Variants in RAB33B observed in about 807,000 individuals in gnomAD.
RAB33B encodes ras-related protein Rab-33B.
In RAB33B, 6 loss-of-function variants were observed where a neutral mutation model predicts 15.0. The ratio of observed to expected loss-of-function variants is 0.40; its 90% confidence interval spans 0.22 to 0.79. The LOEUF (loss-of-function observed/expected upper bound fraction) is 0.79, where lower values mean the gene tolerates loss of function less well. RAB33B is among the 30% of genes least tolerant of loss of function. RAB33B has a pLI of 0.37. For synonymous variants in RAB33B, 117 were observed against 108.3 expected (o/e 1.08, Z -0.50); for missense variants, 257 against 296.4 (o/e 0.87, Z 0.98).
chr4:139,461,422 G>A (rs974630594), intron 1 of RAB33B, among the ~76,000 whole-genome samples: 7 of 152,144 alleles, frequency 4.6e-5, no homozygotes, highest in Admixed American at 3.3e-4. Flanking sequence ...GTGGCCTTGG[G>A]TGAATTACTT....
chr4:139,465,010 G>A (rs1213561540), intron 1 of RAB33B, among the ~76,000 whole-genome samples: 1 of 152,186 alleles, frequency 6.6e-6, no homozygotes, highest in Non-Finnish European at 1.5e-5. Flanking sequence ...CACCAACAGT[G>A]TAAAAGTGTT....
the RAB33B span, among the ~76,000 whole-genome samples, chr4:139,447,657 ACTTT>A: frequency 8.3e-6 from 1 of 120,266 alleles, no homozygotes; most frequent in Non-Finnish European, 1.8e-5. Flanking sequence ...TCAGTCTACT[ACTTT>A]TTTTTTTTTT....
At chr4:139,463,261 T>C (rs930475122) in intron 1 of RAB33B, among the ~76,000 whole-genome samples, 2 of 152,160 alleles carry the variant, frequency 1.3e-5, no homozygotes, top group Non-Finnish European at 2.9e-5. Flanking sequence ...GCCTCCCAGG[T>C]TCAAGCCTAT....
the RAB33B span, among the ~76,000 whole-genome samples, chr4:139,446,676 A>C: frequency 6.6e-6 from 1 of 152,200 alleles, no homozygotes; most frequent in Non-Finnish European, 1.5e-5. Context: ...GAATAGGATG[A>C]GCCCTTCTGT....
At chr4:139,461,194 G>C (rs1750165251) in intron 1 of RAB33B, among the ~76,000 whole-genome samples, 1 of 152,216 alleles carries the variant, frequency 6.6e-6, no homozygotes, top group Admixed American at 6.5e-5. Context: ...CAGGGAGTGT[G>C]GGGGTGCGAA....
the RAB33B span, among the ~76,000 whole-genome samples, chr4:139,443,453 A>C: frequency 1.3e-5 from 2 of 152,250 alleles, no homozygotes; most frequent in African/African-American, 2.4e-5. Flanking sequence ...TCCTAAGTTC[A>C]CTGGACAAAG....
the RAB33B span, among the ~76,000 whole-genome samples, chr4:139,442,293 C>T: frequency 1.3e-5 from 2 of 152,088 alleles, no homozygotes; most frequent in African/African-American, 2.4e-5. Flanking sequence ...TGTATTACTA[C>T]TTAGGTTCTT....
intron 1 of RAB33B, among the ~76,000 whole-genome samples, chr4:139,466,539 T>G (rs1309384366): frequency 1.3e-5 from 2 of 152,080 alleles, no homozygotes; most frequent in African/African-American, 4.8e-5. Flanking sequence ...AATATCTTTC[T>G]AAATGCTAAA....
rs926179435 is a variant in RAB33B at position 139,454,131 on chromosome 4, T to G, written c.-65T>G. 2.4e-5 allele frequency: 36 copies of G among 1,520,996 alleles called. No homozygotes were observed. The highest frequency in any genetic ancestry group is 3.0e-5 in the Non-Finnish European group (34 of 1,134,394). The allele number at this position is 1,520,996 out of a possible 1,614,324, so 94.2% of individuals were successfully genotyped here. On this transcript the variant is annotated 5_prime_UTR_variant, in exon 1 of 2. Transcript: ENST00000305626. ...GCCGGCTGGGCGCGCGCTCTTGCGG[T>G]GGCGTAATCTCTCAGCCTTTCTGTG...
chr4:139,458,961 A>G (rs1054410909), intron 1 of RAB33B, among the ~76,000 whole-genome samples: 2 of 152,158 alleles, frequency 1.3e-5, no homozygotes, highest in Non-Finnish European at 2.9e-5. Flanking sequence ...GACTGGTGTG[A>G]GATAGTATCT....
chr4:139,443,950 T>C, the RAB33B span, among the ~76,000 whole-genome samples: 1 of 152,178 alleles, frequency 6.6e-6, no homozygotes, highest in African/African-American at 2.4e-5. Flanking sequence ...CCTTGTTTGC[T>C]TCTGGATCTA....
At chr4:139,456,283 A>G (rs1750066451) in intron 1 of RAB33B, among the ~76,000 whole-genome samples, 1 of 152,212 alleles carries the variant, frequency 6.6e-6, no homozygotes, top group South Asian at 2.1e-4. Flanking sequence ...TTAAAAAACA[A>G]AACAAAAACA....
chr4:139,466,641 T>C (rs6850360), intron 1 of RAB33B, among the ~76,000 whole-genome samples: 41,908 of 151,684 alleles, frequency 0.28, 6,198 homozygotes, highest in African/African-American at 0.37. Flanking sequence ...TGCAGTGGCA[T>C]GATCTCAGCT....
intron 1 of RAB33B, among the ~76,000 whole-genome samples, chr4:139,456,158 C>T (rs553344250): frequency 1.3e-5 from 2 of 152,178 alleles, no homozygotes; most frequent in Non-Finnish European, 2.9e-5. Context: ...CTTTGTCTTT[C>T]CTGGTGGCTT....
rs1750026329 is a variant in RAB33B at position 139,454,569 on chromosome 4, G to C, written c.249+125G>C. On this transcript the variant is annotated intron_variant, in intron 1 of 1. Coordinates refer to ENST00000305626, the MANE Select transcript of RAB33B (RefSeq NM_031296.3). Reference sequence around the variant, plus strand: ...TTTTTTTCTCACGCTGATGAGATTGGAGTTGGGGATTGGAAGGATTGCAAT... The same window carrying C: ...TTTTTTTCTCACGCTGATGAGATTGCAGTTGGGGATTGGAAGGATTGCAAT... The C allele has an allele frequency of 8.0e-6, 9 of 1,125,070 alleles. No individual in the cohort carries two copies. In the Admixed American group the frequency reaches 2.5e-4, roughly 31 times the overall value. The allele number at this position is 1,125,070 out of a possible 1,614,324, so 69.7% of individuals were successfully genotyped here.
chr4:139,453,908 C>G (rs899729392), upstream of RAB33B: 8 of 280,530 alleles, frequency 2.9e-5, no homozygotes, highest in African/African-American at 1.8e-4. Flanking sequence ...TGCCGTGAAG[C>G]CCCCGACAGG....
At position 139,474,324 on chromosome 4, in the gene RAB33B, T is replaced by A. The variant is rs938685467; in HGVS notation, c.*1198T>A. On this transcript the variant is annotated 3_prime_UTR_variant, in exon 2 of 2. Transcript: ENST00000305626. Reference sequence around the variant, plus strand: ...TATATTTAAACAGTGAAAAACTAACTGAAAGCACATGAAGAGTTGTAACTT... The same window carrying A: ...TATATTTAAACAGTGAAAAACTAACAGAAAGCACATGAAGAGTTGTAACTT... The A allele has an allele frequency of 2.0e-5, 3 of 152,196 alleles. No individual in the cohort carries two copies. Among genetic ancestry groups the A allele is most frequent in the African/African-American group, 7.2e-5 (3 of 41,446 alleles). The allele number at this position is 152,196 out of a possible 1,614,324, so 9.4% of individuals were successfully genotyped here.
intron 1 of RAB33B, among the ~76,000 whole-genome samples, chr4:139,469,509 A>G (rs1750352361): frequency 6.6e-6 from 1 of 152,114 alleles, no homozygotes; most frequent in Admixed American, 6.5e-5. Context: ...TGCCTTGTTT[A>G]GTTCATTTGG....
intron 1 of RAB33B, among the ~76,000 whole-genome samples, chr4:139,468,022 C>G (rs1413448172): frequency 6.6e-6 from 1 of 151,564 alleles, no homozygotes; most frequent in Non-Finnish European, 1.5e-5. Flanking sequence ...GCCCCACTAC[C>G]CTTCCCGAGC....
Sources: gnomAD v4.1 joint callset for allele counts (sites outside exome capture counted in the v4.1 genomes callset) on GRCh38, gnomAD v4.1.1 for gene constraint, MANE v1.5 for transcripts, NCBI Gene and HGNC (gene_info 2026-07-23, HGNC 2026-07-21) for gene names.